CCDC85A: variants seen among roughly 807,000 people sequenced by gnomAD.
CCDC85A encodes the protein coiled-coil domain-containing protein 85A.
Under a neutral mutation model 50.2 loss-of-function variants are expected in CCDC85A, and 38 were observed. The observed-to-expected ratio is 0.76, with a 90% confidence interval of 0.58 to 0.99. The LOEUF is 0.99. CCDC85A is among the 50% of genes least tolerant of loss of function. CCDC85A has a pLI of 0.00. For missense variants in CCDC85A, 820 were observed against 742.0 expected, an observed-to-expected ratio of 1.11 and a Z score of -1.22; for synonymous variants, 366 against 301.4, an observed-to-expected ratio of 1.21 and a Z score of -2.22.
chr2:56,361,063 C>A (rs1442644186), intron 3 of CCDC85A, among the ~76,000 whole-genome samples: 1 of 152,130 alleles, frequency 6.6e-6, no homozygotes, highest in Admixed American at 6.5e-5. Context: ...ACCATCCTGG[C>A]TAACATGTTG....
chr2:56,340,876 C>CAAAAAA (rs61603853), intron 2 of CCDC85A, among the ~76,000 whole-genome samples: 10 of 58,208 alleles, frequency 1.7e-4, no homozygotes, highest in Admixed American at 2.1e-4. Context: ...AACTCCATCT[C>CAAAAAA]AAAAAAAAAA....
chr2:56,186,780 G>T lies in CCDC85A; in HGVS notation c.276+1880G>T, dbSNP rs72914767. On this transcript the variant is annotated intron_variant, in intron 1 of 5. Coordinates refer to ENST00000407595, the MANE Select transcript of CCDC85A (RefSeq NM_001080433.2). ...GAATGGTAGAGTGGGTTGGTAGAGT[G>T]CCTGGGCTTCATTCCAGTAGCTTCA... is the stretch of plus-strand genomic sequence containing the variant. Among the ~76,000 whole-genome samples the T allele has an allele frequency of 1.6e-3, 251 of 152,306 alleles. 1 individual carries two copies. The highest frequency in any genetic ancestry group is 5.8e-3 in the African/African-American group (239 of 41,556).
intron 4 of CCDC85A, among the ~76,000 whole-genome samples, chr2:56,374,059 A>G (rs1676213709): frequency 6.6e-6 from 1 of 152,240 alleles, no homozygotes; most frequent in African/African-American, 2.4e-5. Context: ...GTTTATAAAT[A>G]CAGGAAAACA....
At chr2:56,264,923 G>T (rs561053502) in intron 2 of CCDC85A, among the ~76,000 whole-genome samples, 1 of 152,102 alleles carries the variant, frequency 6.6e-6, no homozygotes, top group African/African-American at 2.4e-5. Flanking sequence ...CATGATTCAG[G>T]ACTTTATGTA....
rs186567148 is a variant in CCDC85A at position 56,305,195 on chromosome 2, C to G, written c.1241-37684C>G. On this transcript the variant is annotated intron_variant, in intron 2 of 5. Transcript: ENST00000407595. Reference sequence around the variant, plus strand: ...TCATGATTATATTTAGGACATTATACTACTGGTACATGATCATTTTAAGGA... The same window carrying G: ...TCATGATTATATTTAGGACATTATAGTACTGGTACATGATCATTTTAAGGA... Among the ~76,000 whole-genome samples, 189 of 152,054 alleles carry G rather than the reference C, an allele frequency of 1.2e-3. 1 individual carries two copies. Among genetic ancestry groups the G allele is most frequent in the Non-Finnish European group, 1.9e-3 (126 of 67,986 alleles).
intron 2 of CCDC85A, among the ~76,000 whole-genome samples, chr2:56,250,009 G>A (rs1425060159): frequency 1.3e-5 from 2 of 152,182 alleles, no homozygotes; most frequent in Admixed American, 6.5e-5. Flanking sequence ...AATGTCTTCA[G>A]TTGTGCCAGC....
chr2:56,291,905 G>A (rs1395754246), intron 2 of CCDC85A, among the ~76,000 whole-genome samples: 1 of 152,016 alleles, frequency 6.6e-6, no homozygotes, highest in African/African-American at 2.4e-5. Context: ...CCCAGTGGGA[G>A]GCTGGTGCAG....
intron 2 of CCDC85A, among the ~76,000 whole-genome samples, chr2:56,242,970 G>T (rs1160122315): frequency 6.6e-6 from 1 of 151,986 alleles, no homozygotes; most frequent in Admixed American, 6.6e-5. Context: ...TTATTCTTCT[G>T]CAAGTGGATA....
At chr2:56,232,341 A>G (rs75579947) in intron 2 of CCDC85A, among the ~76,000 whole-genome samples, 6,031 of 152,206 alleles carry the variant, frequency 0.04, 139 homozygotes, top group South Asian at 0.1. Flanking sequence ...AATTGTTCAA[A>G]CCAAATATCT....
chr2:56,298,435 A>G (rs763878543), intron 2 of CCDC85A, among the ~76,000 whole-genome samples: 7 of 152,176 alleles, frequency 4.6e-5, no homozygotes, highest in Non-Finnish European at 8.8e-5. Flanking sequence ...AGTGATCTTG[A>G]TCTGCCATTG....
intron 2 of CCDC85A, among the ~76,000 whole-genome samples, chr2:56,307,215 CTT>C (rs1247708965): frequency 6.6e-6 from 1 of 152,030 alleles, no homozygotes; most frequent in African/African-American, 2.4e-5. Flanking sequence ...ACGATACAGT[CTT>C]ATCAGTTAGG....
At chr2:56,231,149 G>A (rs369566880) in intron 2 of CCDC85A, among the ~76,000 whole-genome samples, 5 of 152,020 alleles carry the variant, frequency 3.3e-5, no homozygotes, top group South Asian at 2.1e-4. Context: ...TATGATATTC[G>A]GCTGCTCATT....
At chr2:56,278,595 A>T (rs1490329331) in intron 2 of CCDC85A, among the ~76,000 whole-genome samples, 1 of 151,882 alleles carries the variant, frequency 6.6e-6, no homozygotes, top group African/African-American at 2.4e-5. Context: ...TTTTTTGGAG[A>T]TGGAGTCTCT....
At chr2:56,306,032 C>T (rs982761228) in intron 2 of CCDC85A, among the ~76,000 whole-genome samples, 1 of 152,172 alleles carries the variant, frequency 6.6e-6, no homozygotes, top group Admixed American at 6.5e-5. Flanking sequence ...TTGCTAAGTG[C>T]CAGAACTATG....
chr2:56,316,338 T>A (rs1169066947), intron 2 of CCDC85A, among the ~76,000 whole-genome samples: 1 of 152,122 alleles, frequency 6.6e-6, no homozygotes, highest in African/African-American at 2.4e-5. Flanking sequence ...TTTTTTGGAT[T>A]TTTTTTCTCG....
chr2:56,324,357 A>G (rs1028661922), intron 2 of CCDC85A, among the ~76,000 whole-genome samples: 9 of 152,182 alleles, frequency 5.9e-5, no homozygotes, highest in African/African-American at 2.2e-4. Flanking sequence ...AAATAGATTC[A>G]TAATTCTTTT....
chr2:56,354,150 C>T (rs752723568), intron 3 of CCDC85A, among the ~76,000 whole-genome samples: 12 of 152,082 alleles, frequency 7.9e-5, no homozygotes, highest in East Asian at 1.9e-4. Context: ...ATAATTATGA[C>T]GAAAGAGAAT....
chr2:56,285,855 T>C (rs1376595993), intron 2 of CCDC85A, among the ~76,000 whole-genome samples: 1 of 152,128 alleles, frequency 6.6e-6, no homozygotes, highest in African/African-American at 2.4e-5. Context: ...TCGGCTGGTA[T>C]CATTTGCCTT....
intron 2 of CCDC85A, among the ~76,000 whole-genome samples, chr2:56,238,981 C>A (rs991341591): frequency 6.6e-6 from 1 of 152,046 alleles, no homozygotes; most frequent in Non-Finnish European, 1.5e-5. Context: ...GATATGCTCA[C>A]TACTTATCCA....
Sources: allele counts gnomAD v4.1 joint callset (sites outside exome capture counted in the v4.1 genomes callset), GRCh38; gene constraint gnomAD v4.1.1; transcripts MANE v1.5; gene names NCBI Gene and HGNC (gene_info 2026-07-23, HGNC 2026-07-21).